The following SND1 variants were observed in gnomAD, a reference collection of about 807,000 sequenced individuals.
SND1 encodes the protein staphylococcal nuclease domain-containing protein 1.
In SND1, 38 loss-of-function variants were observed where a neutral mutation model predicts 121.7. The observed-to-expected ratio is 0.31, with a 90% confidence interval of 0.24 to 0.41. The LOEUF (loss-of-function observed/expected upper bound fraction) is 0.41, where lower values mean the gene tolerates loss of function less well. Ranked by LOEUF, SND1 falls within the 10% of genes least tolerant of loss-of-function variation. SND1 has a pLI of 1.00. For missense variants in SND1, 868 were observed against 1,184.6 expected, an observed-to-expected ratio of 0.73 and a Z score of 3.92; for synonymous variants, 401 against 447.4, an observed-to-expected ratio of 0.90 and a Z score of 1.31.
intron 10 of SND1, among the ~76,000 whole-genome samples, chr7:127,793,718 C>A (rs1797958647): frequency 6.6e-6 from 1 of 152,122 alleles, no homozygotes; most frequent in African/African-American, 2.4e-5. Context: ...ACCAGTCTCA[C>A]GTCCCATGTC....
intron 1 of SND1, among the ~76,000 whole-genome samples, chr7:127,684,962 C>T (rs1208745234): frequency 6.6e-6 from 1 of 151,666 alleles, no homozygotes. Flanking sequence ...ATAGAATTTC[C>T]ATAAAAAGTT....
At chr7:127,775,331 C>T (rs1329511453) in intron 10 of SND1, among the ~76,000 whole-genome samples, 11 of 151,676 alleles carry the variant, frequency 7.3e-5, no homozygotes, top group African/African-American at 2.7e-4. Flanking sequence ...CCCCCACCCC[C>T]ACCTTTTTTT....
At chr7:127,866,549 T>G (rs1250843220) in intron 12 of SND1, among the ~76,000 whole-genome samples, 1 of 152,182 alleles carries the variant, frequency 6.6e-6, no homozygotes, top group Non-Finnish European at 1.5e-5. Flanking sequence ...ATCAGTTCTT[T>G]CCTTCTACTC....
At position 127,830,142 on chromosome 7, in the gene SND1, G is replaced by A. The variant is rs1334253775; in HGVS notation, c.1243-14182G>A. On this transcript the variant is annotated intron_variant, in intron 11 of 23. Transcript: ENST00000354725. The stretch of plus-strand genomic sequence containing the variant: ...TCATGCCTGTAATCCCAACACTCTG[G>A]GAGGCCGAGGTGGGTGGATCACATG... Among the ~76,000 whole-genome samples, 3 of 152,004 alleles carry A rather than the reference G, an allele frequency of 2.0e-5. No individual in the cohort carries two copies. The East Asian group carries it at 5.8e-4, about 29-fold the overall frequency.
rs555191412 is a variant in SND1 at position 128,036,923 on chromosome 7, A to G, written c.1780-37579A>G. Among the ~76,000 whole-genome samples the G allele has an allele frequency of 5.3e-5, 8 of 152,344 alleles. No individual in the cohort carries two copies. In the South Asian group the frequency reaches 1.2e-3, roughly 24 times the overall value. ...TAGCAGTAATAATGGTTTTAATAGC[A>G]ACATTTACTGCAGCGTTGATAGGTA... is the stretch of plus-strand genomic sequence containing the variant. On this transcript the variant is annotated intron_variant, in intron 16 of 23. Coordinates refer to ENST00000354725, the MANE Select transcript of SND1 (RefSeq NM_014390.4).
intron 12 of SND1, among the ~76,000 whole-genome samples, chr7:127,852,232 C>T (rs538462199): frequency 6.6e-6 from 1 of 151,802 alleles, no homozygotes; most frequent in African/African-American, 2.4e-5. Context: ...AGATGGCTCA[C>T]GTCTGTAATC....
intron 16 of SND1, among the ~76,000 whole-genome samples, chr7:128,017,754 C>T (rs1454724648): frequency 6.6e-6 from 1 of 152,214 alleles, no homozygotes. Flanking sequence ...CCTGAACTTC[C>T]AGGAGGGAAA....
intron 16 of SND1, among the ~76,000 whole-genome samples, chr7:128,057,672 G>A (rs187463176): frequency 3.3e-5 from 5 of 152,246 alleles, no homozygotes; most frequent in African/African-American, 9.6e-5. Flanking sequence ...AATTTCTGCC[G>A]AATCTCGCTA....
At position 127,922,004 on chromosome 7, in the gene SND1, A is replaced by G. The variant is rs540597256; in HGVS notation, c.1528-7184A>G. 1.9e-4 allele frequency among the ~76,000 whole-genome samples: 29 copies of G among 151,832 alleles called. 1 individual carries two copies. The highest frequency in any genetic ancestry group is 3.4e-4 in the Non-Finnish European group (23 of 67,906). On this transcript the variant is annotated intron_variant, in intron 14 of 23. Coordinates refer to ENST00000354725, the MANE Select transcript of SND1 (RefSeq NM_014390.4). ...TGCCTTGCTTTGTTTTTTTTAAAGAATGAGACAGGGTCTTACTCTGTCATC... is the reference window on the plus strand; with the variant it reads ...TGCCTTGCTTTGTTTTTTTTAAAGAGTGAGACAGGGTCTTACTCTGTCATC...
At chr7:127,777,217 T>C (rs920306356) in intron 10 of SND1, among the ~76,000 whole-genome samples, 3 of 152,202 alleles carry the variant, frequency 2.0e-5, no homozygotes, top group African/African-American at 4.8e-5. Flanking sequence ...CCGTAACAAG[T>C]GGAAAGCAAT....
intron 16 of SND1, among the ~76,000 whole-genome samples, chr7:128,051,562 T>A (rs1287833625): frequency 6.6e-6 from 1 of 152,226 alleles, no homozygotes; most frequent in Non-Finnish European, 1.5e-5. Flanking sequence ...GAGGTAATTA[T>A]TCTGCACTGC....
intron 2 of SND1, among the ~76,000 whole-genome samples, chr7:127,688,495 C>A (rs1795856733): frequency 6.6e-6 from 1 of 150,964 alleles, no homozygotes; most frequent in Non-Finnish European, 1.5e-5. Flanking sequence ...ATTGCTTGAG[C>A]CCAGGACTTC....
intron 15 of SND1, among the ~76,000 whole-genome samples, chr7:127,974,336 G>C (rs1454305882): frequency 6.6e-6 from 1 of 152,226 alleles, no homozygotes; most frequent in East Asian, 1.9e-4. Context: ...TGAATTTGGA[G>C]TGGTTTGGAT....
At chr7:127,992,006 T>A (rs1802534828) in intron 16 of SND1, among the ~76,000 whole-genome samples, 1 of 152,232 alleles carries the variant, frequency 6.6e-6, no homozygotes, top group Admixed American at 6.5e-5. Context: ...TTGCCACCTC[T>A]TTGATTCTTT....
intron 10 of SND1, among the ~76,000 whole-genome samples, chr7:127,760,739 T>A (rs766803539): frequency 6.6e-6 from 1 of 152,188 alleles, no homozygotes; most frequent in African/African-American, 2.4e-5. Context: ...TTAACCTAAT[T>A]ATCTTTATAT....
chr7:127,876,809 G>A (rs1799699363), intron 12 of SND1, among the ~76,000 whole-genome samples: 1 of 152,094 alleles, frequency 6.6e-6, no homozygotes, highest in Non-Finnish European at 1.5e-5. Flanking sequence ...TTGTTGTATA[G>A]CAGGAGTGTC....
chr7:127,859,503 GGTCGT>G (rs1799340483), intron 12 of SND1, among the ~76,000 whole-genome samples: 1 of 152,086 alleles, frequency 6.6e-6, no homozygotes, highest in Non-Finnish European at 1.5e-5. Flanking sequence ...GAATTCTCAG[GGTCGT>G]GTTCTTTGGG....
chr7:127,929,013 C>T (rs1331547695), intron 14 of SND1, among the ~76,000 whole-genome samples, 175 bp from the exon 15 acceptor site: 1 of 152,200 alleles, frequency 6.6e-6, no homozygotes, highest in Non-Finnish European at 1.5e-5. Context: ...TGTCGATTAA[C>T]TATATTTCTT....
chr7:128,003,443 T>G (rs1170368196), intron 16 of SND1, among the ~76,000 whole-genome samples: 1 of 152,194 alleles, frequency 6.6e-6, no homozygotes, highest in Non-Finnish European at 1.5e-5. Flanking sequence ...TGCAGTCGAA[T>G]TCTTTTTAAT....
Sources: allele counts gnomAD v4.1 joint callset (sites outside exome capture counted in the v4.1 genomes callset), GRCh38; gene constraint gnomAD v4.1.1; transcripts MANE v1.5; gene names NCBI Gene and HGNC (gene_info 2026-07-23, HGNC 2026-07-21).